The following TANC2 variants were observed in gnomAD, a reference collection of about 807,000 sequenced individuals.
TANC2 encodes protein TANC2.
In TANC2, 26 loss-of-function variants were observed where a neutral mutation model predicts 210.5. The observed-to-expected ratio is 0.12, with a 90% CI of 0.09 to 0.17. The LOEUF is 0.17. Among genes scored for constraint, TANC2 ranks in the 10% least tolerant of loss-of-function variants. The probability of loss-of-function intolerance (pLI) is 1.00; values close to 1 mark genes in which losing one functional copy is unlikely to be tolerated. For missense variants in TANC2, 2,129 were observed against 2,608.9 expected (o/e 0.82, Z 4.01); for synonymous variants, 931 against 967.1 (o/e 0.96, Z 0.69).
intron 21 of TANC2, among the ~76,000 whole-genome samples, chr17:63,410,341 C>G (rs1177708118): frequency 4.4e-5 from 6 of 136,758 alleles, no homozygotes; most frequent in East Asian, 2.3e-4. Flanking sequence ...CTCCAATCCC[C>G]CCCCCCCATC....
At chr17:63,139,100 T>C (rs2039194798) in intron 4 of TANC2, among the ~76,000 whole-genome samples, 1 of 152,248 alleles carries the variant, frequency 6.6e-6, no homozygotes, top group East Asian at 1.9e-4. Context: ...ACTAGATTGC[T>C]CAAATAATTA....
intron 15 of TANC2, 52 bp downstream of exon 15, chr17:63,379,878 A>G: frequency 6.9e-7 from 1 of 1,452,854 alleles, no homozygotes; most frequent in Non-Finnish European, 9.6e-7. Context: ...AGACTTTCAT[A>G]TGCTTTATGT....
chr17:63,352,942 A>G (rs1028166066), intron 13 of TANC2, among the ~76,000 whole-genome samples: 3 of 152,164 alleles, frequency 2.0e-5, no homozygotes, highest in Non-Finnish European at 4.4e-5. Context: ...AAAGTTAAAC[A>G]TATACTAAAA....
intron 5 of TANC2, among the ~76,000 whole-genome samples, chr17:63,183,584 G>A (rs917884734): frequency 3.9e-5 from 6 of 152,008 alleles, no homozygotes; most frequent in African/African-American, 1.4e-4. Flanking sequence ...TCGAGTGATG[G>A]GTACACTGAC....
chr17:63,200,355 CAAAAAAAAAAAAA>C (rs10598629), intron 6 of TANC2, among the ~76,000 whole-genome samples: 3 of 93,814 alleles, frequency 3.2e-5, no homozygotes, highest in Non-Finnish European at 6.4e-5. Flanking sequence ...AACTCTGTCT[CAAAAAAAAAAAAA>C]AAAAAAAAGA....
chr17:63,245,532 A>G lies in TANC2; in HGVS notation c.1033+7455A>G, dbSNP rs184589577. ...AGACCAGCCTGAACAACATGGTGAA[A>G]CCCCGTCTCTACTAAAAATACAAAA... On this transcript the variant is annotated intron_variant, in intron 8 of 27. Coordinates refer to ENST00000689528, the Ensembl canonical transcript of TANC2. Among the ~76,000 whole-genome samples the G allele has an allele frequency of 6.1e-4, 93 of 151,952 alleles. 3 individuals carry two copies. In the East Asian group the frequency reaches 0.017, roughly 27 times the overall value.
intron 7 of TANC2, among the ~76,000 whole-genome samples, chr17:63,211,695 TC>T (rs1029162814): frequency 2.0e-5 from 3 of 152,136 alleles, no homozygotes; most frequent in Non-Finnish European, 4.4e-5. Flanking sequence ...AGTCTACTTT[TC>T]CCCCATTGAC....
chr17:63,018,441 A>G (rs2034203564), intron 2 of TANC2, among the ~76,000 whole-genome samples: 1 of 151,472 alleles, frequency 6.6e-6, no homozygotes, highest in Non-Finnish European at 1.5e-5. Flanking sequence ...AGATCTTTCC[A>G]TTGCATTCCA....
intron 12 of TANC2, among the ~76,000 whole-genome samples, chr17:63,346,434 G>A (rs2046412307): frequency 6.6e-6 from 1 of 152,096 alleles, no homozygotes; most frequent in East Asian, 1.9e-4. Flanking sequence ...TTTTTAAATG[G>A]ACAAGCGATT....
intron 14 of TANC2, among the ~76,000 whole-genome samples, chr17:63,376,210 G>T (rs777529447): frequency 6.6e-5 from 10 of 151,322 alleles, no homozygotes; most frequent in Admixed American, 3.3e-4. Context: ...AAGGCGGGTG[G>T]ATCATGAAGT....
chr17:63,142,967 T>C (rs929609023), intron 4 of TANC2, among the ~76,000 whole-genome samples: 3 of 152,186 alleles, frequency 2.0e-5, no homozygotes, highest in African/African-American at 2.4e-5. Context: ...GCTGTTCTTC[T>C]TCTGTCTTAC....
At chr17:63,158,511 G>A (rs1347792281) in intron 5 of TANC2, among the ~76,000 whole-genome samples, 1 of 152,240 alleles carries the variant, frequency 6.6e-6, no homozygotes, top group Non-Finnish European at 1.5e-5. Flanking sequence ...CACGCAAGAA[G>A]CTGGAATTCT....
At position 63,412,606 on chromosome 17, in the gene TANC2, T is replaced by C; in HGVS notation, c.3899-74T>C. 7.3e-7 allele frequency: 1 copy of C among 1,375,496 alleles called. No homozygotes were observed. 85.2% of individuals were successfully genotyped at this position (1,375,496 alleles called of 1,614,324 possible). On this transcript the variant is annotated intron_variant, in intron 23 of 27. Coordinates refer to ENST00000689528, the Ensembl canonical transcript of TANC2. The surrounding 1 kb of genome is among the most constrained non-coding windows in gnomAD (Gnocchi z 4.2). Reference sequence around the variant, plus strand: ...CTGCCTCTCACTGCTGCTTTTTCCTTCTTTTTTTTTTTTTCACCTTCATCC... The same window carrying C: ...CTGCCTCTCACTGCTGCTTTTTCCTCCTTTTTTTTTTTTTCACCTTCATCC...
At chr17:63,212,914 C>G (rs1291956314) in intron 7 of TANC2, among the ~76,000 whole-genome samples, 17 of 152,162 alleles carry the variant, frequency 1.1e-4, no homozygotes, top group Admixed American at 1.1e-3. Context: ...CAGCATTACT[C>G]TATTCATTAT....
chr17:63,407,444 T>G (rs1427190650), intron 21 of TANC2, among the ~76,000 whole-genome samples: 1 of 152,232 alleles, frequency 6.6e-6, no homozygotes, highest in African/African-American at 2.4e-5. Flanking sequence ...CTTGAGCCAC[T>G]GATAACCTTT....
At chr17:63,191,898 A>G (rs1204111411) in intron 5 of TANC2, among the ~76,000 whole-genome samples, 1 of 152,202 alleles carries the variant, frequency 6.6e-6, no homozygotes, top group Non-Finnish European at 1.5e-5. Flanking sequence ...TACTGTTTCT[A>G]CTTTATTCCA....
chr17:63,155,748 A>C (rs1178158601), intron 5 of TANC2, among the ~76,000 whole-genome samples: 1 of 152,206 alleles, frequency 6.6e-6, no homozygotes, highest in Non-Finnish European at 1.5e-5. Flanking sequence ...GGTGACAGCA[A>C]AATTAGCATA....
intron 5 of TANC2, among the ~76,000 whole-genome samples, chr17:63,180,327 C>T (rs73323732): frequency 2.0e-5 from 3 of 152,138 alleles, no homozygotes; most frequent in African/African-American, 7.2e-5. Flanking sequence ...AAAGACTAAT[C>T]TTTTTTATCA....
chr17:63,220,590 G>C (rs4968758), intron 7 of TANC2, among the ~76,000 whole-genome samples: 35,828 of 150,138 alleles, frequency 0.24, 4,336 homozygotes, highest in South Asian at 0.3. Flanking sequence ...TCTAGTCCCA[G>C]CTACCTGGGA....
Sources: gnomAD v4.1 joint callset for allele counts (sites outside exome capture counted in the v4.1 genomes callset) on GRCh38, gnomAD v4.1.1 for gene constraint, Gnocchi (gnomAD v3.1) non-coding constraint, MANE v1.5 for transcripts, NCBI Gene and HGNC (gene_info 2026-07-23, HGNC 2026-07-21) for gene names.